Variants in WWTR1 observed in about 807,000 individuals in gnomAD.
WWTR1 encodes the protein WW domain-containing transcription regulator protein 1.
Under a neutral mutation model 40.1 loss-of-function variants are expected in WWTR1, and 13 were observed. The ratio of observed to expected loss-of-function variants is 0.32; its 90% CI spans 0.21 to 0.52. The LOEUF (loss-of-function observed/expected upper bound fraction) is 0.52. Among genes scored for constraint, WWTR1 ranks in the 20% least tolerant of loss-of-function variants. WWTR1 has a pLI of 0.97. For synonymous variants in WWTR1, 230 were observed against 210.1 expected, an observed-to-expected ratio of 1.09 and a Z score of -0.82; for missense variants, 436 against 523.1, an observed-to-expected ratio of 0.83 and a Z score of 1.63.
At chr3:149,571,034 T>C (rs973200189) in intron 3 of WWTR1, among the ~76,000 whole-genome samples, 29 of 152,220 alleles carry the variant, frequency 1.9e-4, no homozygotes, top group African/African-American at 6.7e-4. Flanking sequence ...GAAGCAGCTC[T>C]ATATGTATGG....
At chr3:149,712,902 C>T (rs768462967) in intron 5 of WWTR1, among the ~76,000 whole-genome samples, 10 of 152,162 alleles carry the variant, frequency 6.6e-5, no homozygotes, top group East Asian at 1.9e-4. Flanking sequence ...TTATGACATT[C>T]GCAAAAGTGG....
chr3:149,667,358 TA>T (rs1713877641), intron 2 of WWTR1, among the ~76,000 whole-genome samples: 1 of 151,910 alleles, frequency 6.6e-6, no homozygotes, highest in East Asian at 1.9e-4. Context: ...TCATCCTGGC[TA>T]ACATGGTGAA....
chr3:149,660,009 C>G (rs1291804598), upstream of WWTR1: 1 of 151,500 alleles, frequency 6.6e-6, no homozygotes, highest in Non-Finnish European at 1.5e-5. Context: ...ACCTCTGCCT[C>G]CCTGGTTCAA....
intron 2 of WWTR1, among the ~76,000 whole-genome samples, chr3:149,609,731 A>G (rs1458626833): frequency 2.0e-5 from 3 of 152,222 alleles, no homozygotes; most frequent in African/African-American, 7.2e-5. Flanking sequence ...GGCTTTAGTA[A>G]GTTTCACCTT....
At chr3:149,704,205 A>C (rs1715274053), upstream of WWTR1, among the ~76,000 whole-genome samples, 1 of 152,222 alleles carries the variant, frequency 6.6e-6, no homozygotes, top group Admixed American at 6.5e-5. Flanking sequence ...TTTACCCCCA[A>C]ACCTCTATTA....
chr3:149,525,402 T>C (rs1735252770), intron 6 of WWTR1, among the ~76,000 whole-genome samples: 1 of 151,852 alleles, frequency 6.6e-6, no homozygotes, highest in African/African-American at 2.4e-5. Context: ...AACAGTGGTG[T>C]CTTGATGCAA....
At chr3:149,608,627 G>C (rs1739594695) in intron 2 of WWTR1, among the ~76,000 whole-genome samples, 2 of 152,146 alleles carry the variant, frequency 1.3e-5, no homozygotes, top group African/African-American at 4.8e-5. Context: ...GACCTCAAGT[G>C]GTCCGCCTGC....
chr3:149,711,325 G>T (rs1450730040), intron 5 of WWTR1, among the ~76,000 whole-genome samples: 1 of 151,868 alleles, frequency 6.6e-6, no homozygotes, highest in Non-Finnish European at 1.5e-5. Flanking sequence ...TTATTAAGTT[G>T]AATTAAAAAA....
upstream of WWTR1, among the ~76,000 whole-genome samples, chr3:149,661,682 C>T (rs952446524): frequency 2.6e-5 from 4 of 151,812 alleles, no homozygotes; most frequent in African/African-American, 9.7e-5. Flanking sequence ...CCTTGGCCTC[C>T]CAAAGTGCTA....
At chr3:149,585,390 C>T (rs533496619) in intron 2 of WWTR1, among the ~76,000 whole-genome samples, 1 of 152,292 alleles carries the variant, frequency 6.6e-6, no homozygotes, top group East Asian at 1.9e-4. Flanking sequence ...CTGCCTCGGC[C>T]TCCCAAAGTG....
At position 149,699,918 on chromosome 3, in the gene WWTR1, C is replaced by A. The variant is rs563709269; in HGVS notation, c.-108+3206G>T. 2.0e-5 allele frequency among the ~76,000 whole-genome samples: 3 copies of A among 152,302 alleles called. No individual in the cohort carries two copies. The South Asian group carries it at 6.2e-4, about 32-fold the overall frequency. On this transcript the variant is annotated intron_variant, in intron 1 of 7. Coordinates refer to the WWTR1 transcript ENST00000465804. ...TCTTCAAATATCTTTATAGCTACAC[C>A]CCACTCATCAGTACCAATTTTCTGT...
chr3:149,553,579 T>C (rs1163577564), intron 3 of WWTR1, among the ~76,000 whole-genome samples: 3 of 152,134 alleles, frequency 2.0e-5, no homozygotes, highest in Non-Finnish European at 4.4e-5. Context: ...GAAAGGCTTA[T>C]ATATGGGAAG....
At chr3:149,605,448 A>C (rs1177907526) in intron 2 of WWTR1, among the ~76,000 whole-genome samples, 1 of 152,158 alleles carries the variant, frequency 6.6e-6, no homozygotes, top group Non-Finnish European at 1.5e-5. Context: ...GGAGGACTGG[A>C]TGTGATAGGT....
chr3:149,573,943 T>G (rs781368883), intron 2 of WWTR1, among the ~76,000 whole-genome samples: 2 of 150,062 alleles, frequency 1.3e-5, no homozygotes, highest in African/African-American at 2.4e-5. Flanking sequence ...AAGTTTGTGA[T>G]ATATATATAT....
At chr3:149,525,691 A>G (rs1237725063) in intron 6 of WWTR1, 2 of 163,912 alleles carry the variant, frequency 1.2e-5, no homozygotes, top group Non-Finnish European at 2.6e-5. Flanking sequence ...CCTGCATGAG[A>G]ATGACATGTA....
intron 2 of WWTR1, among the ~76,000 whole-genome samples, chr3:149,667,198 A>G (rs73000003): frequency 0.19 from 28,545 of 152,060 alleles, 2,911 homozygotes; most frequent in Admixed American, 0.3. Context: ...TCCTAAAATT[A>G]TTTTGTAAAT....
At chr3:149,570,834 C>A (rs960387090) in intron 3 of WWTR1, among the ~76,000 whole-genome samples, 2 of 152,002 alleles carry the variant, frequency 1.3e-5, no homozygotes, top group African/African-American at 2.4e-5. Flanking sequence ...AGTCCACTTC[C>A]TACATATCGC....
chr3:149,723,185 C>CTTTTTTTTTTTTTT (rs35573546), intron 4 of WWTR1, among the ~76,000 whole-genome samples: 2 of 101,812 alleles, frequency 2.0e-5, no homozygotes, highest in African/African-American at 7.9e-5. Flanking sequence ...CTTTTCTTTT[C>CTTTTTTTTTTTTTT]TTTTTTTTTT....
chr3:149,642,088 T>C (rs1340965892), intron 2 of WWTR1, among the ~76,000 whole-genome samples: 1 of 152,238 alleles, frequency 6.6e-6, no homozygotes, highest in African/African-American at 2.4e-5. Context: ...CCTTCAAGCT[T>C]TTCTACAATA....
Sources: gnomAD v4.1 joint callset for allele counts (sites outside exome capture counted in the v4.1 genomes callset) on GRCh38, gnomAD v4.1.1 for gene constraint, MANE v1.5 for transcripts, NCBI Gene and HGNC (gene_info 2026-07-23, HGNC 2026-07-21) for gene names.